Variants in MOB4 observed in about 807,000 individuals in gnomAD.
MOB4 encodes the protein MOB-like protein phocein.
MOB4 carries 4 observed loss-of-function variants against 32.2 expected under a neutral mutation model. The observed-to-expected ratio is 0.12, with a 90% CI of 0.06 to 0.28. The LOEUF is 0.28. Ranked by LOEUF, MOB4 falls within the 10% of genes least tolerant of loss-of-function variation. The probability of loss-of-function intolerance (pLI) is 1.00; values close to 1 mark genes in which losing one functional copy is unlikely to be tolerated. For synonymous variants in MOB4, 88 were observed against 88.1 expected, an observed-to-expected ratio of 1.00 and a Z score of 0.01; for missense variants, 158 against 271.2, an observed-to-expected ratio of 0.58 and a Z score of 2.93.
intron 1 of MOB4, chr2:197,516,356 G>C: frequency 7.0e-7 from 1 of 1,422,724 alleles, no homozygotes; most frequent in African/African-American, 1.5e-5. Context: ...CGACCCAGGG[G>C]TAGGCGTGAG....
rs2087111640 is a variant in MOB4 at position 197,552,300 on chromosome 2, CAATGGT to C, written c.*1664_*1669del. The stretch of plus-strand genomic sequence containing the variant: ...GATTTATATTAATGGCACTATAAAC[CAATGGT>C]AATGGTAATTTTTAAACTTGCTAAA... On this transcript the variant is annotated 3_prime_UTR_variant, in exon 8 of 8. Coordinates refer to ENST00000323303, the MANE Select transcript of MOB4 (RefSeq NM_015387.5). 1 of 152,214 alleles carries C rather than the reference CAATGGT, an allele frequency of 6.6e-6. No homozygotes were observed. The highest frequency in any genetic ancestry group is 2.4e-5 in the African/African-American group (1 of 41,402). The allele number at this position is 152,214 out of a possible 1,614,324, so 9.4% of individuals were successfully genotyped here.
intron 2 of MOB4, among the ~76,000 whole-genome samples, chr2:197,532,657 G>A (rs1255507584): frequency 6.6e-6 from 1 of 152,076 alleles, no homozygotes; most frequent in Non-Finnish European, 1.5e-5. Flanking sequence ...CTGCACTCTA[G>A]CCTGGGCGAC....
intron 2 of MOB4, among the ~76,000 whole-genome samples, chr2:197,532,399 C>T (rs2086721260): frequency 6.6e-6 from 1 of 152,122 alleles, no homozygotes; most frequent in Admixed American, 6.6e-5. Context: ...TTGGGGTGGG[C>T]CCAGTGGTTC....
intron 1 of MOB4, among the ~76,000 whole-genome samples, chr2:197,521,703 C>G (rs188749681): frequency 6.6e-6 from 1 of 151,774 alleles, no homozygotes; most frequent in Non-Finnish European, 1.5e-5. Context: ...AAGAATTCAG[C>G]GATATTTCTC....
chr2:197,552,674 GTT>G lies in MOB4; in HGVS notation c.*2029_*2030del, dbSNP rs1390407081. ...TGTTGATAATCTTACTAATTGTGAA[GTT>G]GATTCACTACTATACTAGGTAAGAC... On this transcript the variant is annotated 3_prime_UTR_variant, in exon 8 of 8. Coordinates refer to ENST00000323303, the MANE Select transcript of MOB4 (RefSeq NM_015387.5). 1 of 152,274 alleles carries G rather than the reference GTT, an allele frequency of 6.6e-6. No individual in the cohort carries two copies. Among genetic ancestry groups the G allele is most frequent in the East Asian group, 1.9e-4 (1 of 5,338 alleles). 9.4% of individuals were successfully genotyped at this position (152,274 alleles called of 1,614,324 possible).
chr2:197,535,574 A>G lies in MOB4; in HGVS notation c.168A>G (p.Lys56=). 6.2e-7 allele frequency: 1 copy of G among 1,613,052 alleles called. No individual in the cohort carries two copies. ...GAGCAGATTGCTCCAATATTGACAAAATTCTTGAACCACCTGAAGGCCAAG... is the reference window on the plus strand; with the variant it reads ...GAGCAGATTGCTCCAATATTGACAAGATTCTTGAACCACCTGAAGGCCAAG... ...NIRADCSNID[K]ILEPPEGQDE... Residue 56 remains lysine, a synonymous_variant, in exon 3 of 8, where the codon AAA becomes AAG. Coordinates refer to ENST00000323303, the MANE Select transcript of MOB4 (RefSeq NM_015387.5).
chr2:197,517,367 C>T (rs1443551833), intron 1 of MOB4, among the ~76,000 whole-genome samples: 1 of 152,170 alleles, frequency 6.6e-6, no homozygotes, highest in East Asian at 1.9e-4. Context: ...TGTTTTCATA[C>T]TACTGGAAAT....
chr2:197,537,980 A>G (rs1334720394), intron 3 of MOB4, among the ~76,000 whole-genome samples: 2 of 152,092 alleles, frequency 1.3e-5, no homozygotes, highest in African/African-American at 4.8e-5. Context: ...GGGTTTCACC[A>G]TGTTGGTCAG....
intron 1 of MOB4, among the ~76,000 whole-genome samples, chr2:197,518,051 G>T (rs1187777646): frequency 1.3e-5 from 2 of 151,874 alleles, no homozygotes; most frequent in African/African-American, 2.4e-5. Flanking sequence ...TGAGGCAGGA[G>T]AATCGCTTGA....
At chr2:197,520,915 A>G (rs949169106) in intron 1 of MOB4, among the ~76,000 whole-genome samples, 30 of 148,194 alleles carry the variant, frequency 2.0e-4, no homozygotes, top group East Asian at 9.7e-4. Flanking sequence ...AAAAAAAAAA[A>G]AAGAAGAAGA....
upstream of MOB4, chr2:197,515,841 C>T (rs114479331): frequency 4.2e-3 from 2,257 of 535,346 alleles, 37 homozygotes; most frequent in African/African-American, 0.04. Flanking sequence ...CAAAGAGGCT[C>T]GTGGCGCCCG....
intron 1 of MOB4, chr2:197,516,694 G>A (rs897659368): frequency 2.1e-6 from 1 of 471,638 alleles, no homozygotes; most frequent in East Asian, 6.9e-5. Context: ...TCTCCCTGCC[G>A]CTTTCCCTGG....
chr2:197,532,455 C>T (rs1311865168), intron 2 of MOB4, among the ~76,000 whole-genome samples: 2 of 152,040 alleles, frequency 1.3e-5, no homozygotes, highest in Non-Finnish European at 2.9e-5. Context: ...GGGAGAATTG[C>T]TTGAGCCCAG....
In MOB4 at chr2:197,550,352, A is replaced by G; in HGVS notation, c.512A>G (p.Tyr171Cys). Reference protein sequence around the residue: ...RRIYRIFSHAYFHHRQIFDEY... With the variant: ...RRIYRIFSHACFHHRQIFDEY... ...ATTTACAGAATATTTTCACATGCTTATTTTCATCATCGGCAGATATTTGAT... is the reference window on the plus strand; with the variant it reads ...ATTTACAGAATATTTTCACATGCTTGTTTTCATCATCGGCAGATATTTGAT... The change falls in exon 7 of 8, where the codon TAT becomes TGT. Residue 171 changes from tyrosine to cysteine, a missense_variant. This residue lies in a region of MOB4 where 45 missense variants were observed against 65.6 expected (regional missense o/e 0.69). Transcript: ENST00000323303. 6.2e-7 allele frequency: 1 copy of G among 1,613,850 alleles called. No individual in the cohort carries two copies. The highest frequency in any genetic ancestry group is 8.5e-7 in the Non-Finnish European group (1 of 1,179,940).
At chr2:197,550,179 G>A in intron 6 of MOB4, 96 bp from the exon 7 acceptor site, 1 of 1,127,502 alleles carries the variant, frequency 8.9e-7, no homozygotes, top group Non-Finnish European at 1.2e-6. Context: ...TTTTCCCTAG[G>A]TGTCAGTTTC....
intron 2 of MOB4, among the ~76,000 whole-genome samples, chr2:197,527,428 TCTTC>T (rs2106112333): frequency 6.6e-6 from 1 of 152,362 alleles, no homozygotes; most frequent in African/African-American, 2.4e-5. Context: ...GGAATTGCTT[TCTTC>T]CTTTTTAGAT....
At position 197,540,098 on chromosome 2, in the gene MOB4, T is replaced by C; in HGVS notation, c.225-13T>C. On this transcript the variant is annotated splice_polypyrimidine_tract_variant and intron_variant, in intron 3 of 7. Coordinates refer to ENST00000323303, the MANE Select transcript of MOB4 (RefSeq NM_015387.5). ...ATAGATATGACTTTTTATTTATGTATTTGCATTTTCAGGCAGTTCTGCCTT... is the reference window on the plus strand; with the variant it reads ...ATAGATATGACTTTTTATTTATGTACTTGCATTTTCAGGCAGTTCTGCCTT... 1 of 1,591,952 alleles carries C rather than the reference T, an allele frequency of 6.3e-7. No individual in the cohort carries two copies. The highest frequency in any genetic ancestry group is 8.5e-7 in the Non-Finnish European group (1 of 1,170,032).
chr2:197,523,498 T>C, intron 1 of MOB4, 126 bp from the exon 2 acceptor site: 1 of 879,410 alleles, frequency 1.1e-6, no homozygotes, highest in Non-Finnish European at 1.7e-6. Flanking sequence ...TTTCCTTATT[T>C]CACTGATAAT....
chr2:197,532,662 G>A (rs1342433182), intron 2 of MOB4, among the ~76,000 whole-genome samples: 2 of 152,008 alleles, frequency 1.3e-5, no homozygotes, highest in Non-Finnish European at 2.9e-5. Flanking sequence ...CTCTAGCCTG[G>A]GCGACAGAAC....
Sources: allele counts gnomAD v4.1 joint callset (sites outside exome capture counted in the v4.1 genomes callset), GRCh38; gene constraint gnomAD v4.1.1; regional missense constraint gnomAD v4.1.1; transcripts MANE v1.5; gene names NCBI Gene and HGNC (gene_info 2026-07-23, HGNC 2026-07-21).